Variants in ZNF358 observed in about 807,000 individuals in gnomAD.
The protein encoded by ZNF358 is zinc finger protein 358.
ZNF358 carries 1 observed loss-of-function variant against 2.1 expected under a neutral mutation model. That is an observed-to-expected ratio of 0.49 (90% CI 0.17 to 2.30). The LOEUF (loss-of-function observed/expected upper bound fraction) is 2.30, where lower values mean the gene tolerates loss of function less well. Ranked by LOEUF, ZNF358 falls within the 30% of genes most tolerant of loss-of-function variation. ZNF358 has a pLI of 0.26. For missense variants in ZNF358, 665 were observed against 806.8 expected (o/e 0.82, Z 2.13); for synonymous variants, 381 against 359.7 (o/e 1.06, Z -0.67).
Position 7,520,873 on chromosome 19 carries a change from T to G in ZNF358, c.1631T>G (p.Val544Gly). Residue 544 changes from valine (V) to glycine (G), a missense_variant, in exon 2 of 2, where the codon GTC becomes GGC. Transcript: ENST00000597229. This position sits in a 1 kb window ranked among gnomAD's most constrained non-coding sequence, Gnocchi z 6.0. ...CCCTGTTCTCCCACTCGTGGCACTG[T>G]CAGCCCAGCCCTCCCTACCGGCGAG... is the stretch of plus-strand genomic sequence containing the variant. ...PDPCSPTRGTVSPALPTGESP... is the reference protein window; with the variant it reads ...PDPCSPTRGTGSPALPTGESP... 2 of 1,614,090 alleles carry G rather than the reference T, an allele frequency of 1.2e-6. No homozygotes were observed. Among genetic ancestry groups the G allele is most frequent in the Non-Finnish European group, 1.7e-6 (2 of 1,180,014 alleles).
rs984326163 is a variant in ZNF358 at position 7,520,755 on chromosome 19, G to A, written c.1513G>A (p.Asp505Asn). Residue 505 changes from aspartate to asparagine, a missense_variant, in exon 2 of 2, where the codon GAC becomes AAC. Physicochemically the swap from Asp to Asn is conservative, Grantham distance 23. Coordinates refer to ENST00000597229, the MANE Select transcript of ZNF358 (RefSeq NM_018083.5). The surrounding 1 kb of genome is among the most constrained non-coding windows in gnomAD (Gnocchi z 6.0). ...AAAGGCTGGGCACGACGCTGGTCCCGACCTTGTGCCCAGCCCAGACCTTGA... is the reference window on the plus strand; with the variant it reads ...AAAGGCTGGGCACGACGCTGGTCCCAACCTTGTGCCCAGCCCAGACCTTGA... ...DPKAGHDAGP[D>N]LVPSPDLDPV... 38 of 1,613,892 alleles carry A rather than the reference G, an allele frequency of 2.4e-5. No individual in the cohort carries two copies. Among genetic ancestry groups the A allele is most frequent in the Non-Finnish European group, 3.1e-5 (36 of 1,180,010 alleles).
chr19:7,515,663 CAGAG>C (rs146799951), upstream of ZNF358, among the ~76,000 whole-genome samples: 13 of 151,518 alleles, frequency 8.6e-5, no homozygotes, highest in South Asian at 1.7e-3. Flanking sequence ...GAGGCAGAGA[CAGAG>C]AGAGAGAGAC....
intron 1 of ZNF358, among the ~76,000 whole-genome samples, chr19:7,518,559 G>GAAAGAAAGAAAGA (rs1298999752): frequency 1.5e-5 from 2 of 129,690 alleles, no homozygotes; most frequent in Non-Finnish European, 3.3e-5. Flanking sequence ...GAGAGAGAGA[G>GAAAGAAAGAAAGA]AAAGAAAGAA....
At position 7,519,422 on chromosome 19, in the gene ZNF358, C is replaced by G; in HGVS notation, c.180C>G (p.Ser60Arg). The change falls in exon 2 of 2, where the codon AGC becomes AGG. Residue 60 changes from serine to arginine, a missense_variant. By Grantham distance (110) the Ser-to-Arg change is moderately radical (BLOSUM62 -1). This residue lies in a region of ZNF358 where 206 missense variants were observed against 228.4 expected (regional missense o/e 0.90). Transcript: ENST00000597229. The part of the protein sequence containing the change: ...LNTVPEDVDP[S>R]YEDLEPVSED... ...CTGTCCCGGAAGACGTGGACCCCAG[C>G]TATGAAGATCTGGAGCCCGTCTCGG... The G allele has an allele frequency of 6.2e-7, 1 of 1,614,118 alleles. No individual in the cohort carries two copies. The highest frequency in any genetic ancestry group is 8.5e-7 in the Non-Finnish European group (1 of 1,180,026).
chr19:7,519,087 A>G, intron 1 of ZNF358, 118 bp from the exon 2 acceptor site: 2 of 1,058,502 alleles, frequency 1.9e-6, no homozygotes, highest in Admixed American at 3.8e-5. Context: ...AAAAAAAAAA[A>G]GAAGTGGGTT....
At position 7,520,617 on chromosome 19, in the gene ZNF358, G is replaced by A. The variant is rs745604077; in HGVS notation, c.1375G>A (p.Gly459Ser). Residue 459 changes from glycine (G) to serine (S), a missense_variant, in exon 2 of 2, where the codon GGC becomes AGC. By Grantham distance (56) the Gly-to-Ser change is moderately conservative. Coordinates refer to ENST00000597229, the MANE Select transcript of ZNF358 (RefSeq NM_018083.5). The surrounding 1 kb of genome is among the most constrained non-coding windows in gnomAD (Gnocchi z 6.0). ...GLGLSPGTSSGRNPDPGSGPG... is the reference protein window; with the variant it reads ...GLGLSPGTSSSRNPDPGSGPG... ...GGGCCTCAGCCCTGGCACCAGCTCT[G>A]GCCGCAACCCTGACCCTGGCTCTGG... 1.3e-6 allele frequency: 2 copies of A among 1,504,512 alleles called. No homozygotes were observed. Among genetic ancestry groups the A allele is most frequent in the South Asian group, 2.4e-5 (2 of 84,326 alleles). The allele number at this position is 1,504,512 out of a possible 1,614,324, so 93.2% of individuals were successfully genotyped here. A position where few individuals can be genotyped will look rare whatever the true frequency, so the allele number is the denominator to read the frequency against.
At chr19:7,515,328 C>G (rs541009934), upstream of ZNF358, 23 of 152,334 alleles carry the variant, frequency 1.5e-4, no homozygotes, top group African/African-American at 5.3e-4. Context: ...CTTCCCGGCC[C>G]GGCGTAGGGT....
Position 7,520,228 on chromosome 19 carries a change from G to T in ZNF358, c.986G>T (p.Gly329Val). ...TGCCCCCACTGCGGCAAAGCCTTCG[G>T]GCAGAGCTCCAACTTGCAACACCAC... is the stretch of plus-strand genomic sequence containing the variant. ...YRCPHCGKAFGQSSNLQHHLR... is the reference protein window; with the variant it reads ...YRCPHCGKAFVQSSNLQHHLR... The change falls in exon 2 of 2, where the codon GGG becomes GTG. Residue 329 changes from glycine to valine, a missense_variant. Transcript: ENST00000597229. This position sits in a 1 kb window ranked among gnomAD's most constrained non-coding sequence, Gnocchi z 6.0. 1 of 1,606,956 alleles carries T rather than the reference G, an allele frequency of 6.2e-7. No individual in the cohort carries two copies.
Position 7,519,980 on chromosome 19 carries a change from C to T in ZNF358, c.738C>T (p.His246=). The T allele has an allele frequency of 6.6e-7, 1 of 1,515,012 alleles. No individual in the cohort carries two copies. The highest frequency in any genetic ancestry group is 2.5e-5 in the East Asian group (1 of 40,188). 93.8% of individuals were successfully genotyped at this position (1,515,012 alleles called of 1,614,324 possible). Residue 246 remains histidine (H), a synonymous_variant, in exon 2 of 2, where the codon CAC becomes CAT. Coordinates refer to ENST00000597229, the MANE Select transcript of ZNF358 (RefSeq NM_018083.5). The part of the protein sequence containing the change: ...HCPVCGKAFG[H]GSLLAQHLRT... ...CGGTGTGTGGCAAGGCCTTCGGGCA[C>T]GGCTCGCTCCTGGCACAGCACCTGC...
In ZNF358 at chr19:7,519,733, C is replaced by G. The variant is rs771579923; in HGVS notation, c.491C>G (p.Ser164Cys). The stretch of plus-strand genomic sequence containing the variant: ...TGCGGGCGAGCCTTCCGCCGCAGCT[C>G]CGGGCTGAGCCAGCATCGCCGCACG... ...PDCGRAFRRS[S>C]GLSQHRRTHS... The change falls in exon 2 of 2, where the codon TCC (serine) becomes TGC (cysteine). Residue 164 changes from serine (S) to cysteine (C), a missense_variant. Coordinates refer to ENST00000597229, the MANE Select transcript of ZNF358 (RefSeq NM_018083.5). The G allele has an allele frequency of 4.5e-6, 7 of 1,556,114 alleles. No homozygotes were observed. The highest frequency in any genetic ancestry group is 6.0e-6 in the Non-Finnish European group (7 of 1,158,500).
At chr19:7,518,557 G>GAGAAGGAAAGAAAGAA (rs2022385810) in intron 1 of ZNF358, among the ~76,000 whole-genome samples, 1 of 116,066 alleles carries the variant, frequency 8.6e-6, no homozygotes, top group Non-Finnish European at 1.7e-5. Flanking sequence ...GAGAGAGAGA[G>GAGAAGGAAAGAAAGAA]AGAAAGAAAG....
chr19:7,519,104 G>T (rs1035777093), intron 1 of ZNF358, 101 bp from the exon 2 acceptor site: 6 of 1,329,998 alleles, frequency 4.5e-6, no homozygotes, highest in Non-Finnish European at 3.0e-6. Flanking sequence ...GGTTCTGGGG[G>T]CACAATCGGG....
chr19:7,520,039 C>T lies in ZNF358; in HGVS notation c.797C>T (p.Pro266Leu), dbSNP rs11555038. 4.5e-6 allele frequency: 7 copies of T among 1,546,634 alleles called. No homozygotes were observed. The highest frequency in any genetic ancestry group is 1.2e-5 in the South Asian group (1 of 86,146). Residue 266 changes from proline (P) to leucine (L), a missense_variant, in exon 2 of 2, where the codon CCG (proline) becomes CTG (leucine). Pro to Leu is a moderately conservative substitution (Grantham distance 98). Coordinates refer to ENST00000597229, the MANE Select transcript of ZNF358 (RefSeq NM_018083.5). The surrounding 1 kb of genome is among the most constrained non-coding windows in gnomAD (Gnocchi z 6.0). ...GGCGGCCCGCGGCCCCACAAGTGCCCGGTGTGCGCCAAGGGCTTCGGCCAG... is the reference window on the plus strand; with the variant it reads ...GGCGGCCCGCGGCCCCACAAGTGCCTGGTGTGCGCCAAGGGCTTCGGCCAG... ...THGGPRPHKC[P>L]VCAKGFGQGS...
rs2022427868 is a variant in ZNF358, at chr19:7,519,727, G to A, written c.485G>A (p.Arg162His). The change falls in exon 2 of 2, where the codon CGC becomes CAC. Residue 162 changes from arginine to histidine, a missense_variant. By Grantham distance (29) the Arg-to-His change is conservative. This residue lies in a region of ZNF358 where 206 missense variants were observed against 228.4 expected (regional missense o/e 0.90). Coordinates refer to ENST00000597229, the MANE Select transcript of ZNF358 (RefSeq NM_018083.5). ...SCPDCGRAFRRSSGLSQHRRT... is the reference protein window; with the variant it reads ...SCPDCGRAFRHSSGLSQHRRT... ...CCGGATTGCGGGCGAGCCTTCCGCC[G>A]CAGCTCCGGGCTGAGCCAGCATCGC... 1 of 1,558,668 alleles carries A rather than the reference G, an allele frequency of 6.4e-7. No individual in the cohort carries two copies. The highest frequency in any genetic ancestry group is 8.6e-7 in the Non-Finnish European group (1 of 1,159,964).
chr19:7,514,782 G>A (rs1390852436), upstream of ZNF358, among the ~76,000 whole-genome samples: 6 of 152,106 alleles, frequency 3.9e-5, no homozygotes, highest in Admixed American at 3.9e-4. Context: ...ACAGGTGCCT[G>A]CCACCACGCC....
intron 1 of ZNF358, among the ~76,000 whole-genome samples, chr19:7,518,509 GGAAGGAAAA>G (rs1405925218): frequency 7.3e-6 from 1 of 136,462 alleles, no homozygotes; most frequent in African/African-American, 2.8e-5. Context: ...AGAGAGAGAA[GGAAGGAAAA>G]GAAGGAAGGA....
upstream of ZNF358, chr19:7,513,989 G>A (rs1290290059): frequency 6.6e-6 from 1 of 152,204 alleles, no homozygotes; most frequent in Admixed American, 6.5e-5. Flanking sequence ...AGGAAAGAAT[G>A]AGTTCTGTGG....
chr19:7,517,058 G>A (rs1195225279), intron 1 of ZNF358, among the ~76,000 whole-genome samples: 1 of 152,106 alleles, frequency 6.6e-6, no homozygotes, highest in Non-Finnish European at 1.5e-5. Flanking sequence ...TCCCCAGAAG[G>A]GGAGCCACAG....
At position 7,519,724 on chromosome 19, in the gene ZNF358, G is replaced by A. The variant is rs2022427720; in HGVS notation, c.482G>A (p.Arg161His). ...FSCPDCGRAF[R>H]RSSGLSQHRR... ...TGCCCGGATTGCGGGCGAGCCTTCC[G>A]CCGCAGCTCCGGGCTGAGCCAGCAT... The change falls in exon 2 of 2, where the codon CGC becomes CAC. Residue 161 changes from arginine to histidine, a missense_variant. Arg to His is a conservative substitution (Grantham distance 29). Coordinates refer to ENST00000597229, the MANE Select transcript of ZNF358 (RefSeq NM_018083.5). 6.4e-7 allele frequency: 1 copy of A among 1,566,686 alleles called. No homozygotes were observed. The highest frequency in any genetic ancestry group is 1.8e-5 in the Admixed American group (1 of 55,504).
Sources: allele counts gnomAD v4.1 joint callset (sites outside exome capture counted in the v4.1 genomes callset), GRCh38; gene constraint gnomAD v4.1.1; regional missense constraint gnomAD v4.1.1; non-coding constraint Gnocchi (gnomAD v3.1); transcripts MANE v1.5; gene names NCBI Gene and HGNC (gene_info 2026-07-23, HGNC 2026-07-21).